The following WWOX variants were observed in gnomAD, a reference collection of about 807,000 sequenced individuals.
WWOX encodes the protein WW domain-containing oxidoreductase.
In WWOX, 69 loss-of-function variants were observed where a neutral mutation model predicts 46.2. That is an observed-to-expected ratio of 1.49 (90% CI 1.23 to 1.82). WWOX has a LOEUF of 1.82. Among genes scored for constraint, WWOX ranks in the 40% most tolerant of loss-of-function variants. WWOX has a pLI of 0.00. For synonymous variants in WWOX, 359 were observed against 202.6 expected (o/e 1.77, Z -6.56); for missense variants, 919 against 542.6 (o/e 1.69, Z -6.89).
intron 8 of WWOX, among the ~76,000 whole-genome samples, chr16:78,718,590 C>T (rs1246784006): frequency 6.6e-6 from 1 of 152,010 alleles, no homozygotes; most frequent in East Asian, 1.9e-4. Context: ...GCCTCTAATC[C>T]TAGGTACTCT....
intron 8 of WWOX, among the ~76,000 whole-genome samples, chr16:78,515,608 C>T (rs2043218687): frequency 1.3e-5 from 2 of 152,176 alleles, no homozygotes; most frequent in South Asian, 2.1e-4. Context: ...TGTGCAGAGC[C>T]AGGCCGGATG....
intron 4 of WWOX, among the ~76,000 whole-genome samples, chr16:78,160,791 T>A (rs1250334767): frequency 6.6e-6 from 1 of 152,226 alleles, no homozygotes; most frequent in Non-Finnish European, 1.5e-5. Context: ...TATTCAATTA[T>A]TTTCAGTTTA....
At chr16:78,894,771 G>C (rs1289761440) in intron 8 of WWOX, among the ~76,000 whole-genome samples, 1 of 152,134 alleles carries the variant, frequency 6.6e-6, no homozygotes, top group African/African-American at 2.4e-5. Context: ...ATCATGCCTT[G>C]AAGATGTTTA....
At chr16:78,796,216 A>G (rs2050733645) in intron 8 of WWOX, among the ~76,000 whole-genome samples, 1 of 152,214 alleles carries the variant, frequency 6.6e-6, no homozygotes, top group Non-Finnish European at 1.5e-5. Flanking sequence ...TGCTGAAGTA[A>G]CAATTAGTAT....
chr16:78,503,459 AAT>A (rs1005863538), intron 8 of WWOX, among the ~76,000 whole-genome samples: 8 of 151,862 alleles, frequency 5.3e-5, no homozygotes, highest in East Asian at 1.9e-4. Flanking sequence ...AAAAAAAAAA[AAT>A]TTTTTTTTGA....
intron 5 of WWOX, among the ~76,000 whole-genome samples, chr16:78,275,454 A>T (rs959677862): frequency 4.6e-5 from 7 of 152,232 alleles, no homozygotes; most frequent in Admixed American, 2.6e-4. Context: ...GCTGGTCCGT[A>T]CGCATCCCCT....
At chr16:79,118,156 ACTTT>A (rs1199757500) in intron 8 of WWOX, among the ~76,000 whole-genome samples, 3 of 152,200 alleles carry the variant, frequency 2.0e-5, no homozygotes, top group Non-Finnish European at 4.4e-5. Context: ...TGCAACTCTG[ACTTT>A]CTCTTGGGCA....
At chr16:78,674,501 T>C (rs1415434209) in intron 8 of WWOX, among the ~76,000 whole-genome samples, 2 of 152,046 alleles carry the variant, frequency 1.3e-5, no homozygotes, top group African/African-American at 2.4e-5. Flanking sequence ...GCCAGGCTGG[T>C]CTCAAACTCC....
At chr16:79,017,609 C>G (rs989624259) in intron 8 of WWOX, among the ~76,000 whole-genome samples, 5 of 151,946 alleles carry the variant, frequency 3.3e-5, no homozygotes, top group African/African-American at 9.7e-5. Flanking sequence ...CAGCCATGGA[C>G]AATTCATAAA....
intron 8 of WWOX, among the ~76,000 whole-genome samples, chr16:78,819,289 C>T (rs2051428262): frequency 6.6e-6 from 1 of 152,132 alleles, no homozygotes; most frequent in Non-Finnish European, 1.5e-5. Context: ...GACTCAACTC[C>T]ATAGACAGGG....
intron 8 of WWOX, among the ~76,000 whole-genome samples, chr16:78,851,494 T>G (rs2052441928): frequency 6.6e-6 from 1 of 152,220 alleles, no homozygotes; most frequent in Non-Finnish European, 1.5e-5. Context: ...CTTGGTTGCC[T>G]CAGAAGATAA....
At chr16:79,195,850 TG>T (rs1025284058) in intron 8 of WWOX, among the ~76,000 whole-genome samples, 11 of 152,218 alleles carry the variant, frequency 7.2e-5, no homozygotes, top group African/African-American at 1.7e-4. Context: ...GAATTATAGT[TG>T]AAAGGGGAAA....
rs564920046 is a variant in WWOX at position 78,741,473 on chromosome 16, T to A, written c.1056+308721T>A. Among the ~76,000 whole-genome samples the A allele has an allele frequency of 5.3e-5, 8 of 152,158 alleles. No individual in the cohort carries two copies. In the East Asian group the frequency reaches 1.5e-3, roughly 29 times the overall value. On this transcript the variant is annotated intron_variant, in intron 8 of 8. Transcript: ENST00000566780. ...TACTCGGGAGGCTGAGGCAGGAGAA[T>A]CACTTGAACCTGGGAGGCAGAGGTT...
At chr16:78,328,618 T>C (rs1317773080) in intron 5 of WWOX, among the ~76,000 whole-genome samples, 8 of 152,192 alleles carry the variant, frequency 5.3e-5, no homozygotes, top group African/African-American at 1.7e-4. Flanking sequence ...ATGTGGAAAT[T>C]AGATGAATCC....
chr16:78,704,665 G>C (rs1290344797), intron 8 of WWOX, among the ~76,000 whole-genome samples: 4 of 152,156 alleles, frequency 2.6e-5, no homozygotes. Context: ...TCTTTACTGT[G>C]AAAATGATTA....
chr16:78,815,327 GAAAA>G (rs770386740), intron 8 of WWOX, among the ~76,000 whole-genome samples: 1 of 123,898 alleles, frequency 8.1e-6, no homozygotes, highest in Admixed American at 8.3e-5. Context: ...TCTGTCTCGA[GAAAA>G]AAAAAAAAAA....
chr16:78,684,749 C>G (rs941495848), intron 8 of WWOX, among the ~76,000 whole-genome samples: 1 of 152,162 alleles, frequency 6.6e-6, no homozygotes, highest in African/African-American at 2.4e-5. Context: ...ACGCATCATA[C>G]TGAACTATGG....
chr16:79,045,830 C>A (rs918675176), intron 8 of WWOX, among the ~76,000 whole-genome samples: 1 of 99,824 alleles, frequency 1.0e-5, no homozygotes, highest in African/African-American at 3.6e-5. Flanking sequence ...GAGATGGAGT[C>A]TCACTCTGTT....
intron 8 of WWOX, among the ~76,000 whole-genome samples, chr16:78,953,297 TAGTGGGG>T (rs1399625962): frequency 7.0e-6 from 1 of 142,324 alleles, no homozygotes; most frequent in Non-Finnish European, 1.5e-5. Context: ...GGCACAATTA[TAGTGGGG>T]GGTGGGGGGC....
Sources: allele counts gnomAD v4.1 joint callset (sites outside exome capture counted in the v4.1 genomes callset), GRCh38; gene constraint gnomAD v4.1.1; transcripts MANE v1.5; gene names NCBI Gene and HGNC (gene_info 2026-07-23, HGNC 2026-07-21).